FAT2: variants seen among roughly 807,000 people sequenced by gnomAD.
The protein encoded by FAT2 is protocadherin Fat 2.
Under a neutral mutation model 295.3 loss-of-function variants are expected in FAT2, and 150 were observed. The observed-to-expected ratio is 0.51, with a 90% CI of 0.44 to 0.58. FAT2 has a LOEUF of 0.58. Ranked by LOEUF, FAT2 falls within the 20% of genes least tolerant of loss-of-function variation. FAT2 has a pLI of 0.00. For missense variants in FAT2, 4,868 were observed against 5,442.7 expected (o/e 0.89, Z 3.32); for synonymous variants, 2,026 against 2,150.3 (o/e 0.94, Z 1.60).
intron 1 of FAT2, among the ~76,000 whole-genome samples, chr5:151,569,593 T>C (rs1758443680): frequency 6.6e-6 from 1 of 152,198 alleles, no homozygotes; most frequent in African/African-American, 2.4e-5. Context: ...AGAAACCCCG[T>C]GGCTGAAGAA....
At chr5:151,592,425 T>TC (rs552450114), upstream of FAT2, among the ~76,000 whole-genome samples, 3 of 151,978 alleles carry the variant, frequency 2.0e-5, no homozygotes, top group Non-Finnish European at 4.4e-5. Context: ...TTCTGTCCAA[T>TC]CCCCTCCCTC....
intron 1 of FAT2, among the ~76,000 whole-genome samples, chr5:151,585,678 G>A (rs945150249): frequency 6.6e-6 from 1 of 152,204 alleles, no homozygotes; most frequent in Non-Finnish European, 1.5e-5. Context: ...GAATTTGTCA[G>A]ACACTACCAG....
At chr5:151,523,828 C>T (rs891119320) in intron 18 of FAT2, among the ~76,000 whole-genome samples, 3 of 152,120 alleles carry the variant, frequency 2.0e-5, no homozygotes, top group African/African-American at 7.2e-5. Context: ...CAAAACAGAG[C>T]TTCGGTTTAG....
chr5:151,538,659 A>G (rs1755758721), intron 11 of FAT2, among the ~76,000 whole-genome samples: 1 of 152,082 alleles, frequency 6.6e-6, no homozygotes, highest in Non-Finnish European at 1.5e-5. Flanking sequence ...CATGCCCTGG[A>G]TGGAAGCTTT....
Position 151,568,294 on chromosome 5 carries a change from C to A in FAT2, c.638G>T (p.Trp213Leu), listed in dbSNP as rs936703034. The A allele has an allele frequency of 1.9e-6, 3 of 1,614,110 alleles. No homozygotes were observed. The African/African-American group carries it at 4.0e-5, about 22-fold the overall frequency. Residue 213 changes from tryptophan to leucine, a missense_variant, in exon 2 of 24, where the codon TGG becomes TTG. Physicochemically the swap from Trp to Leu is moderately conservative, Grantham distance 61. This residue lies in a region of FAT2 where 3,297 missense variants were observed against 3,669.4 expected (regional missense o/e 0.90). Transcript: ENST00000261800. ...VTVAGKLNVT[W>L]RGKHELQVLA... ...CACCTGGAGCTCATGCTTTCCTCGC[C>A]AGGTGACGTTAAGCTTCCCAGCCAC...
At position 151,507,216 on chromosome 5, in the gene FAT2, G is replaced by A. The variant is rs768808587; in HGVS notation, c.12455C>T (p.Ala4152Val). 67 of 1,612,530 alleles carry A rather than the reference G, an allele frequency of 4.2e-5. No individual in the cohort carries two copies. The highest frequency in any genetic ancestry group is 4.8e-5 in the Non-Finnish European group (57 of 1,179,036). The change falls in exon 23 of 24, where the codon GCG becomes GTG. Residue 4152 changes from alanine (A) to valine (V), a missense_variant. Around this residue, in one of 5 missense-constraint regions of FAT2, gnomAD observed 492 missense variants for 482.6 expected, o/e 1.02. Transcript: ENST00000261800. ...CSVPPRLPPAAVPSHSDNEPV... is the reference protein window; with the variant it reads ...CSVPPRLPPAVVPSHSDNEPV... ...CTCATTGTCAGAGTGGGAAGGGACC[G>A]CAGCTGGCGGGAGTCTGGGGGGCAC...
chr5:151,507,454 A>G lies in FAT2; in HGVS notation c.12217T>C (p.Cys4073Arg). Residue 4073 changes from cysteine to arginine, a missense_variant, in exon 23 of 24, where the codon TGC becomes CGC. Physicochemically the swap from Cys to Arg is radical, Grantham distance 180. Transcript: ENST00000261800. ...ATGGCCACAGGCTTGTGAGACTTGC[A>G]ACGGCGGCAGTAGAAGAGAAGCCCG... Reference protein sequence around the residue: ...TVGLLFYCRRCKSHKPVAMED... With the variant: ...TVGLLFYCRRRKSHKPVAMED... 6.2e-7 allele frequency: 1 copy of G among 1,614,126 alleles called. No individual in the cohort carries two copies. Among genetic ancestry groups the G allele is most frequent in the African/African-American group, 1.3e-5 (1 of 75,016 alleles).
Position 151,549,326 on chromosome 5 carries a change from G to A in FAT2, c.4758C>T (p.Val1586=), listed in dbSNP as rs2127618976. The part of the protein sequence containing the change: ...QVRAMDADRG[V]NAEVHYSLLK... The stretch of plus-strand genomic sequence containing the variant: ...GGAGGGAGTAGTGGACCTCAGCATT[G>A]ACTCCCCGGTCAGCATCCATGGCTC... Residue 1586 remains valine, a synonymous_variant, in exon 9 of 24, where the codon GTC becomes GTT. Transcript: ENST00000261800. 1.2e-6 allele frequency: 2 copies of A among 1,613,446 alleles called. No homozygotes were observed. The highest frequency in any genetic ancestry group is 1.7e-6 in the Non-Finnish European group (2 of 1,179,990).
At chr5:151,563,234 T>G in intron 3 of FAT2, 91 bp downstream of exon 3, 1 of 1,243,698 alleles carries the variant, frequency 8.0e-7, no homozygotes, top group East Asian at 2.3e-5. Flanking sequence ...ATTTCCAAGT[T>G]CACAGTAATG....
At chr5:151,552,233 A>C (rs1489378405) in intron 6 of FAT2, among the ~76,000 whole-genome samples, 2 of 151,974 alleles carry the variant, frequency 1.3e-5, no homozygotes, top group Non-Finnish European at 2.9e-5. Context: ...TGATCCTCCT[A>C]CTTCAGCCTC....
chr5:151,521,179 A>C, intron 19 of FAT2, 97 bp downstream of exon 19: 2 of 1,320,636 alleles, frequency 1.5e-6, no homozygotes, highest in Non-Finnish European at 2.0e-6. Context: ...AACTTCCCTG[A>C]ACTCTCCCAC....
In FAT2 at chr5:151,544,047, A is replaced by G. The variant is rs1203259131; in HGVS notation, c.7080T>C (p.Thr2360=). The change falls in exon 10 of 24, where the codon ACT becomes ACC. Residue 2360 remains threonine (T), a synonymous_variant. Transcript: ENST00000261800. Reference sequence around the variant, plus strand: ...CATTGACAACCACAAGGGTTTCACCAGTGAGTGGGGGATCTCCTTTATCCA... The same window carrying G: ...CATTGACAACCACAAGGGTTTCACCGGTGAGTGGGGGATCTCCTTTATCCA... ...RAMDKGDPPL[T]GETLVVVNVS... 6.2e-7 allele frequency: 1 copy of G among 1,614,208 alleles called. No homozygotes were observed. The highest frequency in any genetic ancestry group is 1.1e-5 in the South Asian group (1 of 91,086).
At chr5:151,550,062 G>A (rs1019380901) in intron 8 of FAT2, among the ~76,000 whole-genome samples, 3 of 152,152 alleles carry the variant, frequency 2.0e-5, no homozygotes, top group Admixed American at 6.5e-5. Context: ...GGTCTCAGGT[G>A]TAAGATGAGA....
At chr5:151,551,712 A>T in intron 6 of FAT2, 106 bp from the exon 7 acceptor site, 1 of 1,185,916 alleles carries the variant, frequency 8.4e-7, no homozygotes, top group Non-Finnish European at 1.2e-6. Context: ...GGTAAATTCC[A>T]CAGTACAAGA....
rs764570991 is a variant in FAT2, at chr5:151,505,704, C to T, written c.12911G>A (p.Arg4304Gln). ...ACAGACAGCATAAGAGGGCCCAGCT[C>T]GGCTGAGGCGCATACCCACCCCCTT... ...GYKGVGMRLS[R>Q]AGPSYAVCEV... Residue 4304 changes from arginine (R) to glutamine (Q), a missense_variant, in exon 24 of 24, where the codon CGA becomes CAA. Arg to Gln is a conservative substitution (Grantham distance 43). Around this residue, in one of 5 missense-constraint regions of FAT2, gnomAD observed 492 missense variants for 482.6 expected, o/e 1.02. Transcript: ENST00000261800. 1.1e-5 allele frequency: 18 copies of T among 1,613,998 alleles called. No individual in the cohort carries two copies. Among genetic ancestry groups the T allele is most frequent in the East Asian group, 2.2e-5 (1 of 44,864 alleles).
Position 151,567,412 on chromosome 5 carries a change from A to G in FAT2, c.1520T>C (p.Ile507Thr), listed in dbSNP as rs1217652866. The change falls in exon 2 of 24, where the codon ATT becomes ACT. Residue 507 changes from isoleucine to threonine, a missense_variant. Around this residue, in one of 5 missense-constraint regions of FAT2, gnomAD observed 3,297 missense variants for 3,669.4 expected, o/e 0.90. Coordinates refer to ENST00000261800, the MANE Select transcript of FAT2 (RefSeq NM_001447.3). Reference sequence around the variant, plus strand: ...GGAGATGATCCCCAGGTAGGGGTCAATAGAAAATGGCAAAGCTTTTGGTCC... The same window carrying G: ...GGAGATGATCCCCAGGTAGGGGTCAGTAGAAAATGGCAAAGCTTTTGGTCC... ...IAGPKALPFS[I>T]DPYLGIISTS... 6.2e-7 allele frequency: 1 copy of G among 1,614,206 alleles called. No homozygotes were observed. Among genetic ancestry groups the G allele is most frequent in the South Asian group, 1.1e-5 (1 of 91,088 alleles).
chr5:151,577,598 T>C (rs1226305564), intron 1 of FAT2, among the ~76,000 whole-genome samples: 1 of 152,116 alleles, frequency 6.6e-6, no homozygotes, highest in Non-Finnish European at 1.5e-5. Flanking sequence ...GGAAGTCCTA[T>C]ATGACAAGGT....
intron 1 of FAT2, among the ~76,000 whole-genome samples, chr5:151,581,753 T>TC (rs1468607738): frequency 6.6e-6 from 1 of 152,208 alleles, no homozygotes; most frequent in Non-Finnish European, 1.5e-5. Context: ...CACCTGTGTG[T>TC]CCAACAGTCC....
rs751419697 is a variant in FAT2, at chr5:151,546,144, T to G, written c.4983A>C (p.Ser1661=). The G allele has an allele frequency of 1.2e-6, 2 of 1,614,138 alleles. No individual in the cohort carries two copies. Among genetic ancestry groups the G allele is most frequent in the Non-Finnish European group, 1.7e-6 (2 of 1,180,004 alleles). ...YPSDRSAPIF[S]KSEYFVEIPE... ...GGATCTCTACAAAGTACTCAGATTTTGAAAAGATGGGGGCACTCCTATCTG... is the reference window on the plus strand; with the variant it reads ...GGATCTCTACAAAGTACTCAGATTTGGAAAAGATGGGGGCACTCCTATCTG... The change falls in exon 10 of 24, where the codon TCA becomes TCC. Residue 1661 remains serine, a synonymous_variant. Transcript: ENST00000261800.
Sources: allele counts gnomAD v4.1 joint callset (sites outside exome capture counted in the v4.1 genomes callset), GRCh38; gene constraint gnomAD v4.1.1; regional missense constraint gnomAD v4.1.1; transcripts MANE v1.5; gene names NCBI Gene and HGNC (gene_info 2026-07-23, HGNC 2026-07-21).